Variants in LRBA observed in about 807,000 individuals in gnomAD.
The protein encoded by LRBA is LPS responsive beige-like anchor protein, also known as lipopolysaccharide-responsive and beige-like anchor protein.
A neutral mutation model predicts 330.0 loss-of-function variants in LRBA; 176 were observed. That is an observed-to-expected ratio of 0.53 (90% CI 0.47 to 0.60). LRBA has a LOEUF of 0.60. Ranked by LOEUF, LRBA falls within the 20% of genes least tolerant of loss-of-function variation. LRBA has a pLI of 0.00. For missense variants in LRBA, 3,259 were observed against 3,444.8 expected (o/e 0.95, Z 1.35); for synonymous variants, 1,230 against 1,193.0 (o/e 1.03, Z -0.64).
chr4:150,834,383 G>A (rs1747671739), intron 28 of LRBA, among the ~76,000 whole-genome samples: 1 of 152,130 alleles, frequency 6.6e-6, no homozygotes, highest in Non-Finnish European at 1.5e-5. Flanking sequence ...AAGTCAAAAT[G>A]ACTCTTAATC....
intron 41 of LRBA, among the ~76,000 whole-genome samples, chr4:150,489,117 T>C (rs1758327511): frequency 3.1e-5 from 2 of 65,222 alleles, no homozygotes; most frequent in South Asian, 7.5e-4. Flanking sequence ...ATATATCATA[T>C]ATAATATATA....
chr4:150,605,619 G>T (rs1774545405), intron 37 of LRBA, among the ~76,000 whole-genome samples: 1 of 152,008 alleles, frequency 6.6e-6, no homozygotes, highest in Non-Finnish European at 1.5e-5. Context: ...CTAAAAAGCA[G>T]TAAACATTTT....
chr4:150,747,986 G>A (rs1246791250), intron 35 of LRBA, among the ~76,000 whole-genome samples: 3 of 152,102 alleles, frequency 2.0e-5, no homozygotes, highest in African/African-American at 7.2e-5. Flanking sequence ...CATTTCCAGA[G>A]CAGAACTCTT....
intron 36 of LRBA, among the ~76,000 whole-genome samples, chr4:150,694,947 T>C (rs1331153428): frequency 6.6e-6 from 1 of 152,166 alleles, no homozygotes; most frequent in Non-Finnish European, 1.5e-5. Context: ...CAGAAGTATA[T>C]ATAATATTTG....
At chr4:150,933,953 G>C (rs1299387646) in intron 2 of LRBA, among the ~76,000 whole-genome samples, 2 of 151,972 alleles carry the variant, frequency 1.3e-5, no homozygotes, top group African/African-American at 4.8e-5. Flanking sequence ...GAGTCCGAAA[G>C]GCAGAGGTTG....
chr4:150,377,547 G>C (rs990295679), intron 47 of LRBA, among the ~76,000 whole-genome samples: 13 of 152,228 alleles, frequency 8.5e-5, no homozygotes, highest in African/African-American at 3.1e-4. Context: ...TTCTAGAAGT[G>C]GGGGAGGAGA....
intron 46 of LRBA, 30 bp downstream of exon 46, chr4:150,435,559 T>C (rs753285032): frequency 1.9e-6 from 3 of 1,591,050 alleles, no homozygotes; most frequent in East Asian, 2.2e-5. Context: ...GCACTGGCAA[T>C]AACAACTATA....
At chr4:150,560,487 C>G (rs1768176976) in intron 40 of LRBA, among the ~76,000 whole-genome samples, 2 of 152,074 alleles carry the variant, frequency 1.3e-5, no homozygotes, top group South Asian at 4.2e-4. Flanking sequence ...TTGGAAGACT[C>G]TAAAGCTAAC....
chr4:150,553,580 T>C (rs1174870206), intron 40 of LRBA, among the ~76,000 whole-genome samples: 2 of 152,070 alleles, frequency 1.3e-5, no homozygotes, highest in Non-Finnish European at 2.9e-5. Flanking sequence ...AATACAAAAA[T>C]ACAATTTATG....
At chr4:150,713,713 T>G (rs536259114) in intron 36 of LRBA, among the ~76,000 whole-genome samples, 206 of 152,300 alleles carry the variant, frequency 1.4e-3, no homozygotes, top group Non-Finnish European at 2.2e-3. Flanking sequence ...ATACCGTAAG[T>G]GATGATCTAA....
At chr4:150,952,672 GA>G (rs960460530) in intron 2 of LRBA, among the ~76,000 whole-genome samples, 8 of 152,092 alleles carry the variant, frequency 5.3e-5, no homozygotes, top group African/African-American at 1.9e-4. Context: ...GCGGGGTGGA[GA>G]GGGTTTCTGT....
At chr4:150,546,761 G>T (rs1765905390) in intron 40 of LRBA, among the ~76,000 whole-genome samples, 1 of 152,164 alleles carries the variant, frequency 6.6e-6, no homozygotes, top group Non-Finnish European at 1.5e-5. Flanking sequence ...TTGTTTCACA[G>T]ACTTGGAAAA....
chr4:150,831,582 A>G (rs1747195750), intron 29 of LRBA, among the ~76,000 whole-genome samples: 1 of 152,340 alleles, frequency 6.6e-6, no homozygotes, highest in East Asian at 1.9e-4. Flanking sequence ...CTCTTTTTGT[A>G]TAACATTTTC....
At chr4:150,943,659 G>A (rs1191189748) in intron 2 of LRBA, among the ~76,000 whole-genome samples, 3 of 152,084 alleles carry the variant, frequency 2.0e-5, no homozygotes, top group African/African-American at 7.2e-5. Flanking sequence ...TTTTTTCACA[G>A]ATTTCCTTTT....
At position 150,512,934 on chromosome 4, in the gene LRBA, T is replaced by G. The variant is rs76639924; in HGVS notation, c.6331-21899A>C. 4.2e-3 allele frequency among the ~76,000 whole-genome samples: 645 copies of G among 152,258 alleles called. 3 individuals are homozygous for G. The highest frequency in any genetic ancestry group is 0.015 in the African/African-American group (623 of 41,564). ...TGATAGATGAACACAAAAGAAACAT[T>G]AAACATTAATAGTAACATAATAGCT... On this transcript the variant is annotated intron_variant, in intron 40 of 56. Transcript: ENST00000651943.
At chr4:150,603,341 G>A (rs1774307265) in intron 37 of LRBA, among the ~76,000 whole-genome samples, 1 of 152,088 alleles carries the variant, frequency 6.6e-6, no homozygotes, top group Non-Finnish European at 1.5e-5. Context: ...TACCATGTAA[G>A]TCTATTGGAC....
chr4:150,783,753 G>T (rs1473449668), intron 34 of LRBA, among the ~76,000 whole-genome samples: 2 of 152,178 alleles, frequency 1.3e-5, no homozygotes, highest in African/African-American at 4.8e-5. Context: ...GGGGTTTCTG[G>T]TTAACTACCT....
At chr4:151,001,836 A>G (rs1395115830) in intron 2 of LRBA, among the ~76,000 whole-genome samples, 1 of 152,160 alleles carries the variant, frequency 6.6e-6, no homozygotes, top group Non-Finnish European at 1.5e-5. Flanking sequence ...ATGCTGCCCT[A>G]GAGCCCAAGG....
intron 40 of LRBA, among the ~76,000 whole-genome samples, chr4:150,508,010 T>C (rs1310709760): frequency 1.3e-4 from 18 of 133,564 alleles, no homozygotes; most frequent in Non-Finnish European, 1.5e-5. Context: ...TTCTCACTCA[T>C]AGGTGGGAAT....
Sources: gnomAD v4.1 joint callset for allele counts (sites outside exome capture counted in the v4.1 genomes callset) on GRCh38, gnomAD v4.1.1 for gene constraint, MANE v1.5 for transcripts, NCBI Gene and HGNC (gene_info 2026-07-23, HGNC 2026-07-21) for gene names.